The following CLUH variants were observed in gnomAD, a reference collection of about 807,000 sequenced individuals.
The protein encoded by CLUH is CLUH binding protein of NUMT mRNA, also known as clustered mitochondria protein homolog.
A neutral mutation model predicts 139.3 loss-of-function variants in CLUH; 77 were observed. The ratio of observed to expected loss-of-function variants is 0.55; its 90% CI spans 0.46 to 0.67. CLUH has a LOEUF of 0.67. Among genes scored for constraint, CLUH ranks in the 30% least tolerant of loss-of-function variants. The pLI is 0.00. For synonymous variants in CLUH, 999 were observed against 801.6 expected, an observed-to-expected ratio of 1.25 and a Z score of -4.16; for missense variants, 1,876 against 1,875.8, an observed-to-expected ratio of 1.00 and a Z score of 0.00.
At chr17:2,694,631 A>G in intron 16 of CLUH, 67 bp from the exon 17 acceptor site, 1 of 1,268,950 alleles carries the variant, frequency 7.9e-7, no homozygotes, top group Middle Eastern at 2.4e-4. Flanking sequence ...CGCCCCACCC[A>G]GCTCCCCAAC....
At position 2,695,394 on chromosome 17, in the gene CLUH, G is replaced by A. The variant is rs886666146; in HGVS notation, c.2524C>T (p.His842Tyr). 27 of 1,612,696 alleles carry A rather than the reference G, an allele frequency of 1.7e-5. No individual in the cohort carries two copies. Among genetic ancestry groups the A allele is most frequent in the Non-Finnish European group, 2.3e-5 (27 of 1,179,678 alleles). Reference protein sequence around the residue: ...LELVLRSPARHQLDHVFKIGI... With the variant: ...LELVLRSPARYQLDHVFKIGI... ...CTCACAAAGACGTGGTCCAGCTGGT[G>A]GCGGGCCGGGCTCCGCAGCACCAGC... Residue 842 changes from histidine to tyrosine, a missense_variant, in exon 14 of 26, where the codon CAC (histidine) becomes TAC (tyrosine). His to Tyr is a moderately conservative substitution (Grantham distance 83). Coordinates refer to ENST00000651024, the MANE Select transcript of CLUH (RefSeq NM_001366661.1).
chr17:2,692,642 G>A lies in CLUH; in HGVS notation c.3367C>T (p.Leu1123=), dbSNP rs748692718. ...ATGAGGTAGCGGGCGCGGTACAGCA[G>A]GCTCAGGGCGGTGGACAGCTGGCTG... ...ASSQLSTALS[L]LYRARYLMLL... is the part of the protein sequence containing the mutation. Residue 1123 remains leucine (L), a synonymous_variant, in exon 21 of 26, where the codon CTG becomes TTG. Coordinates refer to ENST00000651024, the MANE Select transcript of CLUH (RefSeq NM_001366661.1). The A allele has an allele frequency of 7.4e-6, 12 of 1,612,816 alleles. No individual in the cohort carries two copies. Among genetic ancestry groups the A allele is most frequent in the Non-Finnish European group, 1.0e-5 (12 of 1,179,512 alleles).
Position 2,696,424 on chromosome 17 carries a change from C to T in CLUH, c.2290+10G>A, listed in dbSNP as rs1383729713. 1.3e-6 allele frequency: 2 copies of T among 1,575,572 alleles called. No homozygotes were observed. Among genetic ancestry groups the T allele is most frequent in the African/African-American group, 2.7e-5 (2 of 74,050 alleles). On this transcript the variant is annotated intron_variant, in intron 12 of 25. Coordinates refer to ENST00000651024, the MANE Select transcript of CLUH (RefSeq NM_001366661.1). Reference sequence around the variant, plus strand: ...GAGGGCTCCTGCGCTGGCCGGCCCCCACCACCTGCCTGGTGAGAAGATGTC... The same window carrying T: ...GAGGGCTCCTGCGCTGGCCGGCCCCTACCACCTGCCTGGTGAGAAGATGTC...
intron 1 of CLUH, among the ~76,000 whole-genome samples, chr17:2,709,008 G>C (rs1361108801): frequency 6.6e-6 from 1 of 152,206 alleles, no homozygotes; most frequent in African/African-American, 2.4e-5. Flanking sequence ...TGCAGAGCGG[G>C]AGAGCCGTGC....
chr17:2,702,382 C>A (rs1413128751), intron 3 of CLUH, among the ~76,000 whole-genome samples: 1 of 152,172 alleles, frequency 6.6e-6, no homozygotes, highest in Admixed American at 6.5e-5. Context: ...CTGGGCAGGG[C>A]TTTTGGAGCT....
chr17:2,691,175 C>T (rs1182238869), intron 25 of CLUH, among the ~76,000 whole-genome samples: 2 of 152,190 alleles, frequency 1.3e-5, no homozygotes, highest in East Asian at 2.0e-4. Flanking sequence ...GGAATGAAGC[C>T]GCTTCTTAGG....
chr17:2,694,780 G>T (rs1251026838), intron 16 of CLUH, 77 bp downstream of exon 16: 2 of 1,454,778 alleles, frequency 1.4e-6, no homozygotes, highest in East Asian at 2.5e-5. Flanking sequence ...ACAGGCCTTA[G>T]ACGCCATCTG....
intron 22 of CLUH, 102 bp downstream of exon 22, chr17:2,692,259 T>C: frequency 6.9e-7 from 1 of 1,453,300 alleles, no homozygotes; most frequent in Non-Finnish European, 9.1e-7. Context: ...AGAGAAATTT[T>C]CTCGGGTGGA....
chr17:2,699,428 GCCATCCTCCCACT>G (rs2070096359), intron 9 of CLUH, among the ~76,000 whole-genome samples: 2 of 152,086 alleles, frequency 1.3e-5, no homozygotes, highest in South Asian at 4.1e-4. Flanking sequence ...CCTGGCTCAG[GCCATCCTCCCACT>G]CCAGCCTCCC....
At position 2,704,751 on chromosome 17, in the gene CLUH, A is replaced by G. The variant is rs894410960; in HGVS notation, c.101-187T>C. ...ACTTCCACACCCAGCCGCCCCTCCC[A>G]GCCACTGTTCCCTGGCCCACTGTGG... On this transcript the variant is annotated intron_variant, in intron 1 of 25. Coordinates refer to ENST00000651024, the MANE Select transcript of CLUH (RefSeq NM_001366661.1). The surrounding 1 kb of genome is among the most constrained non-coding windows in gnomAD (Gnocchi z 5.7). Among the ~76,000 whole-genome samples, 1 of 151,758 alleles carries G rather than the reference A, an allele frequency of 6.6e-6. No individual in the cohort carries two copies. Among genetic ancestry groups the G allele is most frequent in the African/African-American group, 2.4e-5 (1 of 41,312 alleles).
rs1050098487 is a variant in CLUH, at chr17:2,689,439, T to C, written c.*1155A>G. On this transcript the variant is annotated 3_prime_UTR_variant, in exon 26 of 26. Coordinates refer to ENST00000651024, the MANE Select transcript of CLUH (RefSeq NM_001366661.1). Reference sequence around the variant, plus strand: ...CCAATGTGAAATGAGGACGTGATGGTTTAAAAACAAGAAAAAGTTCTTGCT... The same window carrying C: ...CCAATGTGAAATGAGGACGTGATGGCTTAAAAACAAGAAAAAGTTCTTGCT... 6.6e-6 allele frequency: 1 copy of C among 152,580 alleles called. No individual in the cohort carries two copies. Among genetic ancestry groups the C allele is most frequent in the African/African-American group, 2.4e-5 (1 of 41,418 alleles). 9.5% of individuals were successfully genotyped at this position (152,580 alleles called of 1,614,324 possible). A position where few individuals can be genotyped will look rare whatever the true frequency, so the allele number is the denominator to read the frequency against.
chr17:2,703,422 C>T lies in CLUH; in HGVS notation c.371G>A (p.Arg124His), dbSNP rs1377764355. Residue 124 changes from arginine (R) to histidine (H), a missense_variant, in exon 3 of 26, where the codon CGC (arginine) becomes CAC (histidine). This residue lies in a region of CLUH where 270 missense variants were observed against 354.7 expected (regional missense o/e 0.76). Transcript: ENST00000651024. This position sits in a 1 kb window ranked among gnomAD's most constrained non-coding sequence, Gnocchi z 4.2. ...VLMDREDTCHRTCFSLHLDGN... is the reference protein window; with the variant it reads ...VLMDREDTCHHTCFSLHLDGN... ...ATCCAGGTGCAGTGAGAAGCAGGTG[C>T]GGTGACACGTGTCCTCCCGGTCCAT... The T allele has an allele frequency of 5.6e-6, 9 of 1,613,452 alleles. No homozygotes were observed. Among genetic ancestry groups the T allele is most frequent in the African/African-American group, 1.3e-5 (1 of 74,906 alleles).
chr17:2,704,527 T>G lies in CLUH; in HGVS notation c.138A>C (p.Pro46=). Residue 46 remains proline, a synonymous_variant, in exon 2 of 26, where the codon CCA becomes CCC. Transcript: ENST00000651024. This position sits in a 1 kb window ranked among gnomAD's most constrained non-coding sequence, Gnocchi z 5.7. The part of the protein sequence containing the change: ...PSVMLLNGDC[P]ESLKKEAAAA... ...CCGCCGCCTCCTTCTTCAGGCTCTC[T>G]GGGCAGTCCCCGTTTAAGAGCATGA... The G allele has an allele frequency of 1.9e-6, 3 of 1,579,920 alleles. No individual in the cohort carries two copies. Among genetic ancestry groups the G allele is most frequent in the Non-Finnish European group, 1.7e-6 (2 of 1,163,204 alleles).
chr17:2,693,820 C>T, intron 19 of CLUH, 80 bp downstream of exon 19: 1 of 1,506,576 alleles, frequency 6.6e-7, no homozygotes, highest in Non-Finnish European at 8.9e-7. Context: ...TGGACTCCAC[C>T]CACTCCTCCG....
At position 2,696,906 on chromosome 17, in the gene CLUH, C is replaced by T. The variant is rs1178223931; in HGVS notation, c.1998G>A (p.Leu666=). ...CCAGCTGGCTGGCGTTCTGCTGCAT[C>T]AGCTGCAAGGCGGCCAGCTTCATAA... is the stretch of plus-strand genomic sequence containing the variant. The part of the protein sequence containing the change: ...LLFMKLAALQ[L]MQQNASQLET... The change falls in exon 11 of 26, where the codon CTG becomes CTA. Residue 666 remains leucine, a synonymous_variant. Coordinates refer to ENST00000651024, the MANE Select transcript of CLUH (RefSeq NM_001366661.1). 1.9e-5 allele frequency: 31 copies of T among 1,608,372 alleles called. No individual in the cohort carries two copies. Among genetic ancestry groups the T allele is most frequent in the Non-Finnish European group, 2.5e-5 (30 of 1,177,646 alleles).
In CLUH at chr17:2,707,735, G is replaced by A. The variant is rs987857818; in HGVS notation, c.101-3171C>T. 1 of 985,286 alleles carries A rather than the reference G, an allele frequency of 1.0e-6. No individual in the cohort carries two copies. Among genetic ancestry groups the A allele is most frequent in the Non-Finnish European group, 1.2e-6 (1 of 829,914 alleles). The allele number at this position is 985,286 out of a possible 1,614,324, so 61.0% of individuals were successfully genotyped here. On this transcript the variant is annotated intron_variant, in intron 1 of 25. Transcript: ENST00000651024. This position sits in a 1 kb window ranked among gnomAD's most constrained non-coding sequence, Gnocchi z 7.4. ...AACAGCTGGCACAGACCCGGGTCCA[G>A]GCCATAAGGTGGCTGCCTCTGCCCA...
At chr17:2,692,750 C>T (rs2069753856) in intron 20 of CLUH, 30 bp downstream of exon 20, 5 of 1,598,752 alleles carry the variant, frequency 3.1e-6, no homozygotes, top group Middle Eastern at 1.7e-4. Context: ...CCCCTCGCAT[C>T]CCCCGGCGCG....
intron 1 of CLUH, among the ~76,000 whole-genome samples, chr17:2,705,557 C>CG (rs555789774): frequency 6.8e-4 from 103 of 152,230 alleles, no homozygotes; most frequent in African/African-American, 2.3e-3. Flanking sequence ...CAAACACTGA[C>CG]TCACCCTTCA....
chr17:2,691,928 CGTG>C, intron 23 of CLUH, 33 bp from the exon 24 acceptor site: 3 of 1,147,542 alleles, frequency 2.6e-6, no homozygotes, highest in South Asian at 4.7e-5. Context: ...CAGGCCCCCC[CGTG>C]CCCCCGCGGC....
Sources: allele counts gnomAD v4.1 joint callset (sites outside exome capture counted in the v4.1 genomes callset), GRCh38; gene constraint gnomAD v4.1.1; regional missense constraint gnomAD v4.1.1; non-coding constraint Gnocchi (gnomAD v3.1); transcripts MANE v1.5; gene names NCBI Gene and HGNC (gene_info 2026-07-23, HGNC 2026-07-21).